AFF2: variants seen among roughly 807,000 people sequenced by gnomAD.
AFF2 encodes the protein ALF transcription elongation factor 2.
A neutral mutation model predicts 76.9 loss-of-function variants in AFF2; 14 were observed. That is an observed-to-expected ratio of 0.18 (90% confidence interval 0.12 to 0.28). The LOEUF (loss-of-function observed/expected upper bound fraction) is 0.28, where lower values mean the gene tolerates loss of function less well. AFF2 is among the 10% of genes least tolerant of loss of function. The pLI is 1.00. For synonymous variants in AFF2, 398 were observed against 366.7 expected (o/e 1.09, Z -0.98); for missense variants, 868 against 1,001.1 (o/e 0.87, Z 1.79).
chrX:148,755,240 T>C (rs1193536736), intron 3 of AFF2, among the ~76,000 whole-genome samples: 1 of 112,494 alleles, frequency 8.9e-6, no homozygotes, highest in Non-Finnish European at 1.9e-5. Flanking sequence ...GTCACTTTTG[T>C]TTTCAAATCA....
At chrX:148,767,661 G>C (rs1336939843) in intron 3 of AFF2, among the ~76,000 whole-genome samples, 2 of 111,757 alleles carry the variant, frequency 1.8e-5, no homozygotes, top group African/African-American at 6.5e-5. Context: ...TAAAAGGGTT[G>C]ACAAACAAAT....
Position 148,513,507 on chromosome X carries a change from A to G in AFF2, c.47+12363A>G, listed in dbSNP as rs182795170. Among the ~76,000 whole-genome samples the G allele has an allele frequency of 7.2e-5, 8 of 111,691 alleles. No individual in the cohort carries two copies. In the East Asian group the frequency reaches 2.0e-3, roughly 27 times the overall value. ...AAAAACTTTGAAATCTGTTCGGCCT[A>G]CACTTGCACACCAAAATTAGAAGAA... On this transcript the variant is annotated intron_variant, in intron 1 of 20. Coordinates refer to ENST00000370460, the MANE Select transcript of AFF2 (RefSeq NM_002025.4).
At chrX:148,886,317 A>T in intron 8 of AFF2, among the ~76,000 whole-genome samples, 1 of 111,484 alleles carries the variant, frequency 9.0e-6, no homozygotes, top group Middle Eastern at 4.6e-3. Context: ...TGGGTGAGGT[A>T]TAATTTTCAT....
chrX:148,739,544 C>T (rs1196757995), intron 3 of AFF2, among the ~76,000 whole-genome samples: 2 of 111,354 alleles, frequency 1.8e-5, no homozygotes, highest in Admixed American at 1.9e-4. Flanking sequence ...GGTGAGTCTC[C>T]TGAAGGCAGC....
chrX:148,564,430 A>G (rs1456868862), intron 1 of AFF2, among the ~76,000 whole-genome samples: 1 of 104,441 alleles, frequency 9.6e-6, no homozygotes, highest in Non-Finnish European at 2.0e-5. Flanking sequence ...AAGAAAAACT[A>G]TTTTCCTCCA....
intron 7 of AFF2, among the ~76,000 whole-genome samples, chrX:148,860,730 T>C (rs1240770883): frequency 5.3e-5 from 6 of 112,184 alleles, no homozygotes; most frequent in Non-Finnish European, 9.4e-5. Context: ...CAGCAATATG[T>C]AAATTGACAT....
At chrX:148,640,115 C>A (rs889597878) in intron 1 of AFF2, among the ~76,000 whole-genome samples, 4 of 112,578 alleles carry the variant, frequency 3.6e-5, no homozygotes, top group African/African-American at 1.3e-4. Flanking sequence ...CTAGAAGAAG[C>A]ATTGTTAACC....
intron 13 of AFF2, among the ~76,000 whole-genome samples, chrX:148,963,395 C>T (rs1404960587): frequency 3.6e-5 from 4 of 111,613 alleles, no homozygotes; most frequent in African/African-American, 9.8e-5. Flanking sequence ...TTGCCTTAGC[C>T]TGTGATTAAG....
At chrX:148,565,961 A>G (rs950652264) in intron 1 of AFF2, among the ~76,000 whole-genome samples, 3 of 111,504 alleles carry the variant, frequency 2.7e-5, no homozygotes, top group Non-Finnish European at 5.6e-5. Flanking sequence ...GGTTAAAGGT[A>G]TATATAAATA....
intron 9 of AFF2, 110 bp downstream of exon 9, chrX:148,904,368 G>A (rs1557281224): frequency 4.0e-6 from 2 of 498,218 alleles, no homozygotes; most frequent in East Asian, 3.8e-5. Context: ...CTCTATTCAT[G>A]ACAATTTAAA....
intron 1 of AFF2, chrX:148,546,739 G>A (rs1010721837): frequency 2.2e-4 from 25 of 112,227 alleles, no homozygotes; most frequent in African/African-American, 6.5e-4. Context: ...TTCTAATTAT[G>A]TAATCAATAG....
chrX:148,653,441 C>A (rs1249985740), intron 2 of AFF2, among the ~76,000 whole-genome samples: 1 of 111,613 alleles, frequency 9.0e-6, no homozygotes, highest in Non-Finnish European at 1.9e-5. Flanking sequence ...ACAGTGATGG[C>A]ATGCCTGCAT....
At position 148,745,707 on chromosome X, in the gene AFF2, C is replaced by T. The variant is rs781859270; in HGVS notation, c.1042-64169C>T. 8.4e-4 allele frequency among the ~76,000 whole-genome samples: 93 copies of T among 111,148 alleles called. 1 individual carries two copies. The highest frequency in any genetic ancestry group is 1.5e-3 in the Non-Finnish European group (81 of 53,099). ...ACATGTCCACTAAAGAACAAGTAGG[C>T]ATCAGCTGACAATCATACTGCATTT... On this transcript the variant is annotated intron_variant, in intron 3 of 20. Transcript: ENST00000370460.
In AFF2 at chrX:148,978,368, A is replaced by G. The variant is rs1330772778; in HGVS notation, c.3483A>G (p.Arg1161=). The change falls in exon 18 of 21, where the codon CGA becomes CGG. Residue 1161 remains arginine, a synonymous_variant. Transcript: ENST00000370460. ...CCTTTCCTCATCACCACAGCTACCGATGTTTATCACTCCTCTATTTGAGAA... is the reference window on the plus strand; with the variant it reads ...CCTTTCCTCATCACCACAGCTACCGGTGTTTATCACTCCTCTATTTGAGAA... ...GDKKLAVLCY[R]CLSLLYLRMF... The G allele has an allele frequency of 2.5e-6, 3 of 1,198,186 alleles. No individual in the cohort carries two copies. The highest frequency in any genetic ancestry group is 3.4e-6 in the Non-Finnish European group (3 of 884,320).
chrX:148,963,210 G>A lies in AFF2; in HGVS notation c.2913+273G>A, dbSNP rs896854930. ...GAATCTGCAAAGTCATTTCCACAAG[G>A]GCTAAAATCTACTGGGGAAACATGA... On this transcript the variant is annotated intron_variant, in intron 13 of 20. Transcript: ENST00000370460. 6.3e-5 allele frequency among the ~76,000 whole-genome samples: 7 copies of A among 111,719 alleles called. No homozygotes were observed. The East Asian group carries it at 2.0e-3, about 31-fold the overall frequency.
At chrX:148,559,443 G>A (rs1402262591) in intron 1 of AFF2, among the ~76,000 whole-genome samples, 1 of 110,719 alleles carries the variant, frequency 9.0e-6, no homozygotes, top group East Asian at 2.9e-4. Context: ...CCCCGTGACA[G>A]GCCCTGGTGT....
At chrX:148,636,867 A>G (rs1047046397) in intron 1 of AFF2, among the ~76,000 whole-genome samples, 6 of 111,795 alleles carry the variant, frequency 5.4e-5, no homozygotes, top group African/African-American at 1.9e-4. Flanking sequence ...TTAAAGACAC[A>G]GTTATTGGTA....
chrX:148,581,379 CATATACACGT>C (rs2053393803), intron 1 of AFF2, among the ~76,000 whole-genome samples: 2 of 5,880 alleles, frequency 3.4e-4, no homozygotes, highest in Non-Finnish European at 3.4e-4. Flanking sequence ...CGTGTACACA[CATATACACGT>C]ATATACGTAT....
At chrX:148,769,281 G>A (rs1422860138) in intron 3 of AFF2, among the ~76,000 whole-genome samples, 8 of 111,695 alleles carry the variant, frequency 7.2e-5, no homozygotes, top group African/African-American at 2.3e-4. Context: ...TTCTGAAGAG[G>A]TTCCATTGAA....
Sources: gnomAD v4.1 joint callset for allele counts (sites outside exome capture counted in the v4.1 genomes callset) on GRCh38, gnomAD v4.1.1 for gene constraint, MANE v1.5 for transcripts, NCBI Gene and HGNC (gene_info 2026-07-23, HGNC 2026-07-21) for gene names.